RFX6: variants seen among roughly 807,000 people sequenced by gnomAD.
RFX6 encodes DNA-binding protein RFX6.
A neutral mutation model predicts 110.8 loss-of-function variants in RFX6; 50 were observed. That is an observed-to-expected ratio of 0.45 (90% CI 0.36 to 0.57). RFX6 has a LOEUF of 0.57. Among genes scored for constraint, RFX6 ranks in the 20% least tolerant of loss-of-function variants. The pLI, the probability that RFX6 is intolerant of heterozygous loss-of-function variation, is 0.00. For synonymous variants in RFX6, 383 were observed against 411.2 expected, an observed-to-expected ratio of 0.93 and a Z score of 0.83; for missense variants, 990 against 1,127.0, an observed-to-expected ratio of 0.88 and a Z score of 1.74.
In RFX6 at chr6:116,919,145, C is replaced by G; in HGVS notation, c.1031C>G (p.Ala344Gly). ...CATAGCCTTCTTTGTAGCTTATTAG[C>G]AGACATAAGAAATTTTGCTAAAAAT... is the stretch of plus-strand genomic sequence containing the variant. ...TMQEMPESLL[A>G]DIRNFAKNWE... The change falls in exon 11 of 19, where the codon GCA (alanine) becomes GGA (glycine). Residue 344 changes from alanine to glycine, a missense_variant. Physicochemically the swap from Ala to Gly is moderately conservative, Grantham distance 60. Transcript: ENST00000332958. 2 of 1,613,012 alleles carry G rather than the reference C, an allele frequency of 1.2e-6. No individual in the cohort carries two copies. The highest frequency in any genetic ancestry group is 4.5e-5 in the East Asian group (2 of 44,838).
chr6:116,904,189 C>T (rs1243338483), intron 6 of RFX6, among the ~76,000 whole-genome samples: 1 of 151,938 alleles, frequency 6.6e-6, no homozygotes, highest in African/African-American at 2.4e-5. Context: ...CGATTCTTTT[C>T]TGTGAAATGT....
Position 116,923,140 on chromosome 6 carries a change from A to G in RFX6, c.1471A>G (p.Arg491Gly). The change falls in exon 14 of 19, where the codon AGA becomes GGA. Residue 491 changes from arginine (R) to glycine (G), a missense_variant. Transcript: ENST00000332958. ...ACAAAATGGAAGGTCATTAAAGAAG[A>G]GAGCTCAAGACTTTCTGTTAAAGTG... ...SKQNGRSLKK[R>G]AQDFLLKWSF... 6.2e-7 allele frequency: 1 copy of G among 1,607,834 alleles called. No homozygotes were observed. The highest frequency in any genetic ancestry group is 8.5e-7 in the Non-Finnish European group (1 of 1,174,406).
At chr6:116,884,646 T>C (rs1437540388) in intron 4 of RFX6, 1 of 152,160 alleles carries the variant, frequency 6.6e-6, no homozygotes, top group Non-Finnish European at 1.5e-5. Flanking sequence ...AGAGAAACCC[T>C]CTTGACAGGA....
In RFX6 at chr6:116,924,675, T is replaced by G. The variant is rs917111340; in HGVS notation, c.1562T>G (p.Phe521Cys). 1.2e-6 allele frequency: 2 copies of G among 1,610,922 alleles called. No homozygotes were observed. The highest frequency in any genetic ancestry group is 1.1e-5 in the South Asian group (1 of 91,014). Residue 521 changes from phenylalanine to cysteine, a missense_variant, in exon 15 of 19, where the codon TTT becomes TGT. By Grantham distance (205) the Phe-to-Cys change is radical. Transcript: ENST00000332958. ...TLNNASSFGSFHLIRMLLDEY... is the reference protein window; with the variant it reads ...TLNNASSFGSCHLIRMLLDEY... ...TTCTCCATCCATAAACAAGGTTCTT[T>G]TCATTTGATTCGAATGCTTCTCGAT...
rs756373738 is a variant in RFX6, at chr6:116,931,437, T to G, written c.2718T>G (p.Ser906Arg). 1 of 1,613,270 alleles carries G rather than the reference T, an allele frequency of 6.2e-7. No individual in the cohort carries two copies. Among genetic ancestry groups the G allele is most frequent in the South Asian group, 1.1e-5 (1 of 91,062 alleles). Residue 906 changes from serine to arginine, a missense_variant, in exon 19 of 19, where the codon AGT (serine) becomes AGG (arginine). By Grantham distance (110) the Ser-to-Arg change is moderately radical. This residue lies in a region of RFX6 where 438 missense variants were observed against 441.9 expected (regional missense o/e 0.99). Transcript: ENST00000332958. ...CCCTGGACTCCCATGGAACAAGCAGTAGAGAAATGGTGTCCTCTTTACCAC... is the reference window on the plus strand; with the variant it reads ...CCCTGGACTCCCATGGAACAAGCAGGAGAGAAATGGTGTCCTCTTTACCAC... ...QETLDSHGTS[S>R]REMVSSLPPI... is the part of the protein sequence containing the mutation.
chr6:116,900,226 C>A (rs1469524133), intron 6 of RFX6, among the ~76,000 whole-genome samples: 1 of 152,054 alleles, frequency 6.6e-6, no homozygotes, highest in Admixed American at 6.6e-5. Context: ...TCCTTTCCTG[C>A]TAATTCTACT....
chr6:116,898,734 G>T lies in RFX6; in HGVS notation c.672+3527G>T. Among the ~76,000 whole-genome samples, 2 of 152,176 alleles carry T rather than the reference G, an allele frequency of 1.3e-5. 1 individual carries two copies. Among genetic ancestry groups the T allele is most frequent in the East Asian group, 3.9e-4 (2 of 5,192 alleles). On this transcript the variant is annotated intron_variant, in intron 6 of 18. Coordinates refer to ENST00000332958, the MANE Select transcript of RFX6 (RefSeq NM_173560.4). ...GATTTGTAGATTTTTGTGGCAGAAA[G>T]TTGAGGTAGCTTCTGTTTGGTAGTT...
chr6:116,921,263 T>G (rs995081996), intron 12 of RFX6, among the ~76,000 whole-genome samples: 2 of 152,216 alleles, frequency 1.3e-5, no homozygotes, highest in African/African-American at 4.8e-5. Flanking sequence ...AATAAAAGGA[T>G]AGTCTTAAAC....
chr6:116,891,705 TATC>T (rs1774834424), intron 4 of RFX6, among the ~76,000 whole-genome samples: 1 of 152,232 alleles, frequency 6.6e-6, no homozygotes, highest in Non-Finnish European at 1.5e-5. Context: ...TATATGTGAC[TATC>T]ATCTAAATCT....
rs778825773 is a variant in RFX6 at position 116,928,803 on chromosome 6, G to A, written c.2443G>A (p.Gly815Arg). Reference protein sequence around the residue: ...NINYPESHRLGSMVNQHVSVI... With the variant: ...NINYPESHRLRSMVNQHVSVI... Reference sequence around the variant, plus strand: ...AAACTACCCAGAGTCTCACAGGCTCGGATCAATGGTGAATCAGCACGTTTC... The same window carrying A: ...AAACTACCCAGAGTCTCACAGGCTCAGATCAATGGTGAATCAGCACGTTTC... The change falls in exon 18 of 19, where the codon GGA becomes AGA. Residue 815 changes from glycine to arginine, a missense_variant. By Grantham distance (125) the Gly-to-Arg change is moderately radical. Coordinates refer to ENST00000332958, the MANE Select transcript of RFX6 (RefSeq NM_173560.4). The A allele has an allele frequency of 8.1e-6, 13 of 1,613,938 alleles. No homozygotes were observed. The highest frequency in any genetic ancestry group is 1.6e-4 in the Middle Eastern group (1 of 6,062).
intron 6 of RFX6, among the ~76,000 whole-genome samples, chr6:116,902,239 A>T (rs1775090757): frequency 6.6e-6 from 1 of 152,032 alleles, no homozygotes; most frequent in Non-Finnish European, 1.5e-5. Context: ...AAGGGAATGA[A>T]ATTAGGCAAG....
At chr6:116,905,488 T>TCTCA (rs1775178844) in intron 6 of RFX6, among the ~76,000 whole-genome samples, 1 of 152,186 alleles carries the variant, frequency 6.6e-6, no homozygotes, top group Admixed American at 6.5e-5. Flanking sequence ...ATTCCATACA[T>TCTCA]TGCCTTTCTA....
intron 17 of RFX6, among the ~76,000 whole-genome samples, chr6:116,928,161 A>G (rs140424185): frequency 0.011 from 1,707 of 152,286 alleles, 29 homozygotes; most frequent in Admixed American, 0.042. Context: ...GTCTTTTGAA[A>G]ACATTTTTAG....
At chr6:116,885,282 G>T (rs1048612843) in intron 4 of RFX6, among the ~76,000 whole-genome samples, 1 of 152,190 alleles carries the variant, frequency 6.6e-6, no homozygotes, top group African/African-American at 2.4e-5. Context: ...TTATAGGATT[G>T]TTGTGAGAGT....
intron 4 of RFX6, among the ~76,000 whole-genome samples, chr6:116,886,362 T>C (rs1238012898): frequency 6.6e-6 from 1 of 152,176 alleles, no homozygotes; most frequent in African/African-American, 2.4e-5. Flanking sequence ...TAGATTATGA[T>C]TGACTCAAAA....
chr6:116,877,699 C>A, intron 1 of RFX6, 97 bp from the exon 2 acceptor site: 2 of 1,276,044 alleles, frequency 1.6e-6, no homozygotes, highest in East Asian at 2.5e-5. Flanking sequence ...CGCCCCCACC[C>A]CAGTAGGCTA....
intron 2 of RFX6, among the ~76,000 whole-genome samples, chr6:116,880,150 A>T (rs1461082400): frequency 1.3e-5 from 2 of 152,028 alleles, no homozygotes; most frequent in Non-Finnish European, 2.9e-5. Flanking sequence ...GCATTTGCCA[A>T]CCTGAAGCTT....
In RFX6 at chr6:116,931,681, C is replaced by T. The variant is rs1201275495; in HGVS notation, c.*175C>T. On this transcript the variant is annotated 3_prime_UTR_variant, in exon 19 of 19. Coordinates refer to ENST00000332958, the MANE Select transcript of RFX6 (RefSeq NM_173560.4). ...ATAGTGAATGGAGATACTTGCAGAG[C>T]TTGTCATGCACACTAAGAGTTTAAA... The T allele has an allele frequency of 1.7e-6, 1 of 591,240 alleles. No homozygotes were observed. Among genetic ancestry groups the T allele is most frequent in the Non-Finnish European group, 3.0e-6 (1 of 333,296 alleles). The allele number at this position is 591,240 out of a possible 1,614,324, so 36.6% of individuals were successfully genotyped here.
At chr6:116,906,759 G>A (rs1441766105) in intron 6 of RFX6, among the ~76,000 whole-genome samples, 1 of 151,510 alleles carries the variant, frequency 6.6e-6, no homozygotes. Context: ...GTGTGTGTGT[G>A]TGTGTGTAAT....
Sources: allele counts gnomAD v4.1 joint callset (sites outside exome capture counted in the v4.1 genomes callset), GRCh38; gene constraint gnomAD v4.1.1; regional missense constraint gnomAD v4.1.1; transcripts MANE v1.5; gene names NCBI Gene and HGNC (gene_info 2026-07-23, HGNC 2026-07-21).